Variants in SOX6 observed in about 807,000 individuals in gnomAD.
The protein encoded by SOX6 is SRY-box transcription factor 6, also known as transcription factor SOX-6.
Under a neutral mutation model 97.8 loss-of-function variants are expected in SOX6, and 11 were observed. That is an observed-to-expected ratio of 0.11 (90% CI 0.07 to 0.19). The LOEUF (loss-of-function observed/expected upper bound fraction) is 0.19, where lower values mean the gene tolerates loss of function less well. SOX6 is among the 10% of genes least tolerant of loss of function. The pLI, the probability that SOX6 is intolerant of heterozygous loss-of-function variation, is 1.00. For missense variants in SOX6, 810 were observed against 1,039.5 expected (o/e 0.78, Z 3.04); for synonymous variants, 360 against 371.4 (o/e 0.97, Z 0.35).
At chr11:16,631,821 C>T (rs1354898329) in intron 3 of SOX6, among the ~76,000 whole-genome samples, 2 of 152,076 alleles carry the variant, frequency 1.3e-5, no homozygotes, top group Non-Finnish European at 2.9e-5. Context: ...GGGTTAGTTA[C>T]AAAGACTGGT....
At chr11:16,527,170 G>T (rs996740930) in intron 4 of SOX6, among the ~76,000 whole-genome samples, 3 of 150,562 alleles carry the variant, frequency 2.0e-5, no homozygotes, top group Non-Finnish European at 4.4e-5. Flanking sequence ...GCACTGAAGA[G>T]GGAAAAAAAA....
chr11:16,202,047 C>G lies in SOX6; in HGVS notation c.536-15092G>C, dbSNP rs1218240079. Reference sequence around the variant, plus strand: ...ATATGAAGATCATTCCGATTTTTCCCATTTTAGAAGTGAAAAACTTATACT... The same window carrying G: ...ATATGAAGATCATTCCGATTTTTCCGATTTTAGAAGTGAAAAACTTATACT... On this transcript the variant is annotated intron_variant, in intron 4 of 15. Coordinates refer to ENST00000683767, the MANE Select transcript of SOX6 (RefSeq NM_001367873.1). 3.9e-5 allele frequency among the ~76,000 whole-genome samples: 6 copies of G among 152,008 alleles called. No individual in the cohort carries two copies. In the East Asian group the frequency reaches 1.2e-3, roughly 29 times the overall value.
At chr11:16,395,442 T>A (rs1858325138) in intron 1 of SOX6, among the ~76,000 whole-genome samples, 1 of 151,588 alleles carries the variant, frequency 6.6e-6, no homozygotes, top group African/African-American at 2.4e-5. Context: ...TGGAAACAGG[T>A]GCATTCCAGG....
chr11:16,124,101 C>A (rs1849555670), intron 6 of SOX6, among the ~76,000 whole-genome samples: 1 of 152,104 alleles, frequency 6.6e-6, no homozygotes, highest in East Asian at 1.9e-4. Context: ...CATGAAAATT[C>A]CCCAAACATA....
At chr11:16,196,013 AC>A (rs1851764951) in intron 4 of SOX6, among the ~76,000 whole-genome samples, 2 of 152,142 alleles carry the variant, frequency 1.3e-5, no homozygotes, top group Non-Finnish European at 2.9e-5. Context: ...CAAACATACC[AC>A]ATACTGTGCC....
At chr11:16,687,531 C>G (rs1253364025) in intron 3 of SOX6, among the ~76,000 whole-genome samples, 1 of 152,188 alleles carries the variant, frequency 6.6e-6, no homozygotes, top group Non-Finnish European at 1.5e-5. Context: ...CCACCTGCCT[C>G]CCAAAGTGCT....
chr11:16,116,116 CTAGT>C (rs1448244941), intron 6 of SOX6, among the ~76,000 whole-genome samples: 1 of 152,070 alleles, frequency 6.6e-6, no homozygotes, highest in Non-Finnish European at 1.5e-5. Context: ...TATCCAGTAG[CTAGT>C]TAGACTCTAG....
At chr11:16,214,746 A>ATTTT (rs368038119) in intron 4 of SOX6, among the ~76,000 whole-genome samples, 1 of 131,242 alleles carries the variant, frequency 7.6e-6, no homozygotes, top group African/African-American at 2.8e-5. Flanking sequence ...ACTGGAACCA[A>ATTTT]TTTTTTTTTT....
intron 6 of SOX6, among the ~76,000 whole-genome samples, chr11:16,172,224 A>G (rs2134085341): frequency 6.6e-6 from 1 of 152,150 alleles, no homozygotes; most frequent in African/African-American, 2.4e-5. Context: ...TAATACTTCA[A>G]AAGGATATGC....
intron 7 of SOX6, among the ~76,000 whole-genome samples, chr11:16,105,581 C>A (rs561511260): frequency 6.6e-6 from 1 of 152,104 alleles, no homozygotes; most frequent in East Asian, 1.9e-4. Flanking sequence ...AACAAACAAA[C>A]AAACATCCAC....
intron 3 of SOX6, among the ~76,000 whole-genome samples, chr11:16,680,099 A>G (rs1847914685): frequency 6.6e-6 from 1 of 152,194 alleles, no homozygotes; most frequent in Non-Finnish European, 1.5e-5. Context: ...AAATGCAGGA[A>G]ATACAGAGAA....
chr11:16,406,113 A>G (rs1277114250), intron 1 of SOX6, among the ~76,000 whole-genome samples: 1 of 152,098 alleles, frequency 6.6e-6, no homozygotes, highest in Non-Finnish European at 1.5e-5. Flanking sequence ...AAATATCTCT[A>G]GAATTCCGCA....
At chr11:16,681,335 T>C (rs1847925858) in intron 3 of SOX6, among the ~76,000 whole-genome samples, 1 of 152,184 alleles carries the variant, frequency 6.6e-6, no homozygotes, top group Non-Finnish European at 1.5e-5. Context: ...ACATGGAAAC[T>C]GAACAACGTG....
At chr11:16,507,096 A>G (rs917274238) in intron 4 of SOX6, among the ~76,000 whole-genome samples, 1 of 152,018 alleles carries the variant, frequency 6.6e-6, no homozygotes, top group South Asian at 2.1e-4. Flanking sequence ...ACAATAAAAT[A>G]AAAGTGTGTA....
chr11:16,181,256 G>A (rs906308358), intron 6 of SOX6, among the ~76,000 whole-genome samples: 5 of 151,590 alleles, frequency 3.3e-5, no homozygotes, highest in African/African-American at 9.7e-5. Context: ...AAAAAAAAGT[G>A]TCAAACTTGC....
intron 9 of SOX6, among the ~76,000 whole-genome samples, chr11:16,089,962 A>G (rs1341053759): frequency 6.6e-6 from 1 of 152,082 alleles, no homozygotes; most frequent in Admixed American, 6.6e-5. Context: ...TAATCACATC[A>G]TCTCTCAGAA....
At chr11:15,978,869 CAT>C (rs1366641042) in intron 15 of SOX6, among the ~76,000 whole-genome samples, 130 of 128,946 alleles carry the variant, frequency 1.0e-3, no homozygotes, top group African/African-American at 3.4e-3. Context: ...TTATATATAA[CAT>C]ATAAGCATTA....
chr11:16,621,606 T>C (rs1045859448), intron 3 of SOX6, among the ~76,000 whole-genome samples: 2 of 152,216 alleles, frequency 1.3e-5, no homozygotes, highest in Non-Finnish European at 2.9e-5. Context: ...TACATGTAGA[T>C]ACTATGCTAA....
intron 3 of SOX6, chr11:16,312,595 C>T (rs1418350756): frequency 3.3e-5 from 5 of 152,180 alleles, no homozygotes. Flanking sequence ...ACGACAACAA[C>T]CAGATTTAAC....
Sources: allele counts gnomAD v4.1 joint callset (sites outside exome capture counted in the v4.1 genomes callset), GRCh38; gene constraint gnomAD v4.1.1; transcripts MANE v1.5; gene names NCBI Gene and HGNC (gene_info 2026-07-23, HGNC 2026-07-21).